VEPH1: variants seen among roughly 807,000 people sequenced by gnomAD.
The protein encoded by VEPH1 is ventricular zone expressed PH domain containing 1.
In VEPH1, 80 loss-of-function variants were observed where a neutral mutation model predicts 85.2. The ratio of observed to expected loss-of-function variants is 0.94; its 90% confidence interval spans 0.78 to 1.13. The LOEUF (loss-of-function observed/expected upper bound fraction) is 1.13, where lower values mean the gene tolerates loss of function less well. Ranked by LOEUF, VEPH1 falls within the 50% of genes most tolerant of loss-of-function variation. VEPH1 has a pLI of 0.00. For missense variants in VEPH1, 955 were observed against 980.5 expected (o/e 0.97, Z 0.35); for synonymous variants, 297 against 348.0 (o/e 0.85, Z 1.63).
intron 9 of VEPH1, among the ~76,000 whole-genome samples, chr3:157,332,510 G>A (rs56210074): frequency 0.24 from 36,331 of 152,056 alleles, 4,871 homozygotes; most frequent in South Asian, 0.34. Context: ...TTCTGTGTCT[G>A]GCTTCTTTCA....
intron 9 of VEPH1, among the ~76,000 whole-genome samples, chr3:157,350,542 T>G (rs1206217903): frequency 6.6e-6 from 1 of 152,126 alleles, no homozygotes; most frequent in African/African-American, 2.4e-5. Flanking sequence ...CTAAAAAGCT[T>G]CTGCACAGCA....
At chr3:157,268,105 T>C (rs1314358064) in intron 12 of VEPH1, among the ~76,000 whole-genome samples, 2 of 152,264 alleles carry the variant, frequency 1.3e-5, no homozygotes, top group Non-Finnish European at 2.9e-5. Context: ...AGGAATTGTC[T>C]GATGTGGAGC....
At chr3:157,484,526 A>G (rs1236288913) in intron 2 of VEPH1, among the ~76,000 whole-genome samples, 1 of 152,226 alleles carries the variant, frequency 6.6e-6, no homozygotes, top group Non-Finnish European at 1.5e-5. Flanking sequence ...AAAACAAATA[A>G]AAAAGAAAGG....
chr3:157,481,486 A>AAAAAAAAAAC (rs57277738), intron 2 of VEPH1, among the ~76,000 whole-genome samples: 3 of 79,068 alleles, frequency 3.8e-5, no homozygotes, highest in Non-Finnish European at 4.9e-5. Flanking sequence ...AAAAAAAAAA[A>AAAAAAAAAAC]CAATCCTAAG....
intron 4 of VEPH1, chr3:157,442,523 G>C: frequency 6.2e-7 from 1 of 1,614,228 alleles, no homozygotes; most frequent in African/African-American, 1.3e-5. Context: ...ATGGCACAAA[G>C]AGGAATCCAT....
intron 9 of VEPH1, among the ~76,000 whole-genome samples, chr3:157,344,883 C>T (rs1016922735): frequency 1.1e-4 from 16 of 152,122 alleles, no homozygotes; most frequent in Non-Finnish European, 2.1e-4. Flanking sequence ...ACATCTACAA[C>T]CATCTGATCT....
At chr3:157,282,394 A>G (rs1716246552) in intron 12 of VEPH1, among the ~76,000 whole-genome samples, 1 of 152,216 alleles carries the variant, frequency 6.6e-6, no homozygotes, top group African/African-American at 2.4e-5. Context: ...TTATAACACA[A>G]CTATTTGAAA....
At chr3:157,498,041 G>T (rs941697186) in intron 1 of VEPH1, among the ~76,000 whole-genome samples, 1 of 152,214 alleles carries the variant, frequency 6.6e-6, no homozygotes. Context: ...GTTTGGGGAA[G>T]TACAAGGGAG....
chr3:157,383,567 G>C (rs1728993137), intron 6 of VEPH1, among the ~76,000 whole-genome samples: 1 of 152,182 alleles, frequency 6.6e-6, no homozygotes, highest in African/African-American at 2.4e-5. Flanking sequence ...TTTGGTACTT[G>C]ATTTTCAAAG....
chr3:157,313,306 T>C (rs1020935802), intron 11 of VEPH1, among the ~76,000 whole-genome samples: 1 of 152,038 alleles, frequency 6.6e-6, no homozygotes, highest in African/African-American at 2.4e-5. Context: ...GTAGCTGGGA[T>C]TACAGATAAA....
intron 9 of VEPH1, among the ~76,000 whole-genome samples, chr3:157,354,471 G>T (rs952600775): frequency 6.6e-6 from 1 of 151,978 alleles, no homozygotes; most frequent in Non-Finnish European, 1.5e-5. Flanking sequence ...CCCTAATCTA[G>T]GGTGCCACAC....
rs1228422984 is a variant in VEPH1, at chr3:157,460,246, G to A, written c.464C>T (p.Ala155Val). Residue 155 changes from alanine to valine, a missense_variant, in exon 4 of 14, where the codon GCT becomes GTT. Physicochemically the swap from Ala to Val is moderately conservative, Grantham distance 64. Coordinates refer to ENST00000362010, the MANE Select transcript of VEPH1 (RefSeq NM_001167912.2). ...CRNMSNYLSL[A>V]AITKADLLAD... ...CAGGAGATCTGCCTTGGTAATTGCA[G>A]CCAGAGACAGGTAGTTAGACATATT... 5.0e-6 allele frequency: 8 copies of A among 1,614,008 alleles called. No individual in the cohort carries two copies. In the Admixed American group the frequency reaches 1.0e-4, roughly 20 times the overall value.
At chr3:157,450,047 A>ATTTTTTTTTTTTT (rs1368973274) in intron 4 of VEPH1, among the ~76,000 whole-genome samples, 2 of 90,672 alleles carry the variant, frequency 2.2e-5, no homozygotes, top group African/African-American at 8.7e-5. Flanking sequence ...GAGAATATTT[A>ATTTTTTTTTTTTT]CTTTTTTTTT....
At chr3:157,350,672 G>A (rs1321796713) in intron 9 of VEPH1, among the ~76,000 whole-genome samples, 1 of 151,930 alleles carries the variant, frequency 6.6e-6, no homozygotes, top group African/African-American at 2.4e-5. Flanking sequence ...TATCTTAACA[G>A]CAAAAAAATC....
chr3:157,487,518 C>A lies in VEPH1; in HGVS notation c.138+7694G>T, dbSNP rs1252377046. Among the ~76,000 whole-genome samples, 3 of 152,152 alleles carry A rather than the reference C, an allele frequency of 2.0e-5. No homozygotes were observed. In the East Asian group the frequency reaches 5.8e-4, roughly 29 times the overall value. On this transcript the variant is annotated intron_variant, in intron 2 of 13. Transcript: ENST00000362010. ...CTTTGAGGATTAGGTCACAATATTA[C>A]AAAACTCTTGCAGATAACAAAATGT... is the stretch of plus-strand genomic sequence containing the variant.
intron 12 of VEPH1, among the ~76,000 whole-genome samples, chr3:157,275,807 T>C (rs963785541): frequency 1.3e-5 from 2 of 152,146 alleles, no homozygotes; most frequent in Non-Finnish European, 2.9e-5. Context: ...TGTATGTATT[T>C]AAAGTTTCAA....
chr3:157,299,432 C>T (rs542238231), intron 11 of VEPH1, among the ~76,000 whole-genome samples: 11 of 151,522 alleles, frequency 7.3e-5, no homozygotes, highest in Non-Finnish European at 1.2e-4. Flanking sequence ...TGGTGTTGGG[C>T]GCCTGTAGTG....
In VEPH1 at chr3:157,438,029, G is replaced by GCACA. The variant is rs1242214371; in HGVS notation, c.530-9542_530-9541insTGTG. 5.9e-6 allele frequency: 5 copies of GCACA among 844,878 alleles called. No homozygotes were observed. The African/African-American group carries it at 8.6e-5, about 15-fold the overall frequency. The allele number at this position is 844,878 out of a possible 1,614,324, so 52.3% of individuals were successfully genotyped here. ...GGAAGCTTTCATGGGAAGCGCGCGC[G>GCACA]CGCGCGCGCACACACACACACACAC... is the stretch of plus-strand genomic sequence containing the variant. On this transcript the variant is annotated intron_variant, in intron 4 of 13. Transcript: ENST00000362010.
intron 4 of VEPH1, among the ~76,000 whole-genome samples, chr3:157,444,027 T>C (rs776394108): frequency 3.9e-4 from 60 of 152,308 alleles, no homozygotes; most frequent in Admixed American, 1.5e-3. Flanking sequence ...AAAGAACTCC[T>C]GCCCTGAAAG....
Sources: allele counts gnomAD v4.1 joint callset (sites outside exome capture counted in the v4.1 genomes callset), GRCh38; gene constraint gnomAD v4.1.1; transcripts MANE v1.5; gene names NCBI Gene and HGNC (gene_info 2026-07-23, HGNC 2026-07-21).